GRID1: variants seen among roughly 807,000 people sequenced by gnomAD.
The protein encoded by GRID1 is glutamate ionotropic receptor delta type subunit 1.
GRID1 carries 28 observed loss-of-function variants against 98.0 expected under a neutral mutation model. The ratio of observed to expected loss-of-function variants is 0.29; its 90% CI spans 0.21 to 0.39. GRID1 has a LOEUF of 0.39. Among genes scored for constraint, GRID1 ranks in the 10% least tolerant of loss-of-function variants. GRID1 has a pLI of 1.00. For missense variants in GRID1, 1,111 were observed against 1,340.5 expected, an observed-to-expected ratio of 0.83 and a Z score of 2.67; for synonymous variants, 553 against 538.5, an observed-to-expected ratio of 1.03 and a Z score of -0.37.
chr10:86,111,710 T>A (rs1431526693), intron 4 of GRID1, among the ~76,000 whole-genome samples: 1 of 152,226 alleles, frequency 6.6e-6, no homozygotes, highest in African/African-American at 2.4e-5. Flanking sequence ...GATGAGGATC[T>A]GGTGTTCACA....
At chr10:86,267,923 A>C (rs1331546084) in intron 2 of GRID1, among the ~76,000 whole-genome samples, 2 of 152,186 alleles carry the variant, frequency 1.3e-5, no homozygotes, top group Non-Finnish European at 2.9e-5. Flanking sequence ...CTTAGCTTCA[A>C]ACTGGGGGTT....
intron 5 of GRID1, among the ~76,000 whole-genome samples, chr10:85,897,391 TAA>T (rs1841308016): frequency 1.3e-5 from 2 of 152,108 alleles, no homozygotes; most frequent in Non-Finnish European, 1.5e-5. Context: ...TGGGGATAGG[TAA>T]AATGGCCTGA....
intron 4 of GRID1, among the ~76,000 whole-genome samples, chr10:85,965,308 A>G (rs552687644): frequency 3.9e-5 from 6 of 152,346 alleles, no homozygotes; most frequent in African/African-American, 1.4e-4. Flanking sequence ...ATAATTATAA[A>G]TCATTCTACT....
In GRID1 at chr10:85,886,030, ACCAGAGCTGTGTCCTGCCTGGTCCCAGAC is replaced by A. The variant is rs1046799274; in HGVS notation, c.781-16879_781-16851del. Reference sequence around the variant, plus strand: ...GGCTCTCCCCTCCAGGATACCCAGAACCAGAGCTGTGTCCTGCCTGGTCCCAGACCCAGAGCTGTGTCCTGCCTGGTCCC... The same window carrying A: ...GGCTCTCCCCTCCAGGATACCCAGAACCAGAGCTGTGTCCTGCCTGGTCCC... On this transcript the variant is annotated intron_variant, in intron 5 of 15. Transcript: ENST00000327946. Among the ~76,000 whole-genome samples, 1,025 of 151,864 alleles carry A rather than the reference ACCAGAGCTGTGTCCTGCCTGGTCCCAGAC, an allele frequency of 6.7e-3. 8 individuals carry two copies. The highest frequency in any genetic ancestry group is 0.023 in the African/African-American group (959 of 41,224).
At chr10:85,704,705 C>T (rs1841494853) in intron 12 of GRID1, among the ~76,000 whole-genome samples, 1 of 152,164 alleles carries the variant, frequency 6.6e-6, no homozygotes, top group East Asian at 1.9e-4. Flanking sequence ...CAAAAATTGA[C>T]CACATAGTTG....
chr10:86,307,692 C>A (rs1847777437), intron 2 of GRID1, among the ~76,000 whole-genome samples: 2 of 152,042 alleles, frequency 1.3e-5, no homozygotes, highest in Admixed American at 1.3e-4. Context: ...AGTTTCCTCA[C>A]CACAAAAAAG....
intron 2 of GRID1, among the ~76,000 whole-genome samples, chr10:86,260,779 G>C (rs1847004229): frequency 2.0e-5 from 3 of 152,220 alleles, no homozygotes; most frequent in African/African-American, 7.2e-5. Context: ...GGTCCCCAGA[G>C]ACACCCCTTC....
chr10:85,643,059 T>C (rs1179421561), intron 13 of GRID1, among the ~76,000 whole-genome samples: 1 of 152,118 alleles, frequency 6.6e-6, no homozygotes, highest in Non-Finnish European at 1.5e-5. Flanking sequence ...TTCATGTCAT[T>C]AAAAGCCTTA....
chr10:86,050,683 G>T (rs1028453407), intron 4 of GRID1, among the ~76,000 whole-genome samples: 5 of 151,846 alleles, frequency 3.3e-5, no homozygotes, highest in African/African-American at 9.7e-5. Context: ...CAGCAAAAAA[G>T]TGCAAAAAAA....
chr10:86,040,096 CAG>C (rs1564657062), intron 4 of GRID1, among the ~76,000 whole-genome samples: 1 of 152,102 alleles, frequency 6.6e-6, no homozygotes, highest in African/African-American at 2.4e-5. Flanking sequence ...CCTGAAAAAG[CAG>C]AGTTAAGATG....
intron 8 of GRID1, among the ~76,000 whole-genome samples, chr10:85,826,318 G>A (rs1842819808): frequency 6.6e-6 from 1 of 152,208 alleles, no homozygotes. Flanking sequence ...CTGGGCGACA[G>A]AGCGAGACTC....
chr10:86,025,876 T>C (rs959631245), intron 4 of GRID1, among the ~76,000 whole-genome samples: 1 of 152,224 alleles, frequency 6.6e-6, no homozygotes, highest in African/African-American at 2.4e-5. Flanking sequence ...AATTGAATTT[T>C]GAGCCTGCAA....
At chr10:86,051,786 C>A (rs1467911514) in intron 4 of GRID1, among the ~76,000 whole-genome samples, 1 of 152,180 alleles carries the variant, frequency 6.6e-6, no homozygotes, top group African/African-American at 2.4e-5. Context: ...TTTGATAACG[C>A]ATTCTGTTGA....
chr10:85,727,058 T>C (rs578021284), intron 10 of GRID1, among the ~76,000 whole-genome samples: 19 of 152,258 alleles, frequency 1.2e-4, no homozygotes, highest in African/African-American at 4.3e-4. Context: ...GAAGGACAAC[T>C]TGTTGTGGTC....
At chr10:85,624,222 G>T (rs1241203182) in intron 13 of GRID1, among the ~76,000 whole-genome samples, 1 of 152,190 alleles carries the variant, frequency 6.6e-6, no homozygotes, top group East Asian at 1.9e-4. Context: ...TTTGAGTTCT[G>T]CTATTAAAAT....
chr10:86,366,033 C>A lies in GRID1; in HGVS notation c.79+281G>T, dbSNP rs2132126594. ...GCCCCGCTAAGGGCGCGGGTCTCGA[C>A]GCGCGTCCATCCCGGTGTTCCCCGA... On this transcript the variant is annotated intron_variant, in intron 1 of 15. Coordinates refer to ENST00000327946, the MANE Select transcript of GRID1 (RefSeq NM_017551.3). This position sits in a 1 kb window ranked among gnomAD's most constrained non-coding sequence, Gnocchi z 4.1. Among the ~76,000 whole-genome samples, 1 of 152,188 alleles carries A rather than the reference C, an allele frequency of 6.6e-6. No homozygotes were observed. Among genetic ancestry groups the A allele is most frequent in the Admixed American group, 6.5e-5 (1 of 15,296 alleles).
At chr10:86,287,698 G>A (rs775186501) in intron 2 of GRID1, among the ~76,000 whole-genome samples, 10 of 152,016 alleles carry the variant, frequency 6.6e-5, no homozygotes, top group East Asian at 5.8e-4. Context: ...CAGCACAGCC[G>A]TTGCACCTGT....
chr10:86,000,318 C>T (rs1355838432), intron 4 of GRID1, among the ~76,000 whole-genome samples: 1 of 152,154 alleles, frequency 6.6e-6, no homozygotes, highest in African/African-American at 2.4e-5. Flanking sequence ...AATGGAAAGA[C>T]AAATTGTGTT....
In GRID1 at chr10:86,287,955, C is replaced by T. The variant is rs1056791261; in HGVS notation, c.235+75986G>A. On this transcript the variant is annotated intron_variant, in intron 2 of 15. Transcript: ENST00000327946. ...CAATAAGGGTCTCTTCCTCCAGCTC[C>T]ACATGCTCCATGCAGGCCTAGCACC... is the stretch of plus-strand genomic sequence containing the variant. Among the ~76,000 whole-genome samples, 8 of 152,038 alleles carry T rather than the reference C, an allele frequency of 5.3e-5. 1 individual carries two copies. The highest frequency in any genetic ancestry group is 1.4e-4 in the African/African-American group (6 of 41,382).
Sources: gnomAD v4.1 joint callset for allele counts (sites outside exome capture counted in the v4.1 genomes callset) on GRCh38, gnomAD v4.1.1 for gene constraint, Gnocchi (gnomAD v3.1) non-coding constraint, MANE v1.5 for transcripts, NCBI Gene and HGNC (gene_info 2026-07-23, HGNC 2026-07-21) for gene names.